The following PBX1 variants were observed in gnomAD, a reference collection of about 807,000 sequenced individuals.
PBX1 encodes the protein PBX homeobox 1, also known as pre-B-cell leukemia transcription factor 1.
A neutral mutation model predicts 53.4 loss-of-function variants in PBX1; 6 were observed. The ratio of observed to expected loss-of-function variants is 0.11; its 90% CI spans 0.06 to 0.22. PBX1 has a LOEUF of 0.22. Among genes scored for constraint, PBX1 ranks in the 10% least tolerant of loss-of-function variants. The pLI is 1.00. For synonymous variants in PBX1, 204 were observed against 212.3 expected (o/e 0.96, Z 0.34); for missense variants, 251 against 551.4 (o/e 0.46, Z 5.46).
intron 2 of PBX1, among the ~76,000 whole-genome samples, chr1:164,886,041 A>G (rs1315645057): frequency 2.0e-5 from 3 of 151,482 alleles, no homozygotes; most frequent in Non-Finnish European, 4.4e-5. Context: ...TTTCTTGCAT[A>G]AATGAATTTT....
intron 2 of PBX1, among the ~76,000 whole-genome samples, chr1:164,600,287 T>C (rs1656073033): frequency 6.9e-6 from 1 of 144,630 alleles, no homozygotes; most frequent in South Asian, 2.3e-4. Flanking sequence ...AGTCTTACTC[T>C]GTCGCCCAGG....
chr1:164,746,257 C>A (rs923098359), intron 2 of PBX1, among the ~76,000 whole-genome samples: 5 of 152,160 alleles, frequency 3.3e-5, no homozygotes, highest in African/African-American at 1.2e-4. Flanking sequence ...ACCTCACTCG[C>A]AAGTCTCAGT....
chr1:164,732,402 A>G (rs975804884), intron 2 of PBX1, among the ~76,000 whole-genome samples: 10 of 152,090 alleles, frequency 6.6e-5, no homozygotes, highest in African/African-American at 2.4e-4. Context: ...GAAATTAGTG[A>G]CTGTAGGACT....
At chr1:164,655,411 C>A (rs1660107451) in intron 2 of PBX1, among the ~76,000 whole-genome samples, 1 of 152,158 alleles carries the variant, frequency 6.6e-6, no homozygotes, top group Non-Finnish European at 1.5e-5. Flanking sequence ...CTGTGCCCGG[C>A]CTCTGAAGTC....
chr1:164,697,439 C>T (rs1662859700), intron 2 of PBX1, among the ~76,000 whole-genome samples: 1 of 152,164 alleles, frequency 6.6e-6, no homozygotes, highest in African/African-American at 2.4e-5. Context: ...TTAATTAGCC[C>T]TTTTCTATTC....
In PBX1 at chr1:164,667,412, A is replaced by G. The variant is rs76013592; in HGVS notation, c.265+104101A>G. Among the ~76,000 whole-genome samples the G allele has an allele frequency of 3.9e-3, 578 of 147,464 alleles. 2 individuals carry two copies. The highest frequency in any genetic ancestry group is 0.012 in the African/African-American group (483 of 40,320). On this transcript the variant is annotated intron_variant, in intron 2 of 8. Transcript: ENST00000420696. The stretch of plus-strand genomic sequence containing the variant: ...GTATTTTATATAACATATGTATAAT[A>G]TGTGTGTGTGTGTGTGTGTGTATAT...
chr1:164,752,210 G>A (rs943265731), intron 2 of PBX1, among the ~76,000 whole-genome samples: 374 of 95,688 alleles, frequency 3.9e-3, no homozygotes, highest in Middle Eastern at 0.037. Flanking sequence ...AAGGTTTTGT[G>A]TGTGTGTGTG....
intron 8 of PBX1, among the ~76,000 whole-genome samples, chr1:164,846,081 G>C (rs575351487): frequency 3.9e-5 from 6 of 151,968 alleles, no homozygotes; most frequent in African/African-American, 1.2e-4. Flanking sequence ...TGAGCATCTA[G>C]TATAGAACCT....
intron 2 of PBX1, among the ~76,000 whole-genome samples, chr1:164,630,014 T>C (rs559950932): frequency 1.4e-4 from 21 of 152,322 alleles, no homozygotes; most frequent in Non-Finnish European, 2.8e-4. Context: ...AGAAATGCTA[T>C]CAATAAAAGC....
At chr1:164,625,806 AT>A in intron 2 of PBX1, 4 of 341,836 alleles carry the variant, frequency 1.2e-5, no homozygotes, top group Non-Finnish European at 1.7e-5. Flanking sequence ...CCCTGATGGG[AT>A]TTAAAAAAAA....
At chr1:164,770,991 A>ACATAGGAGGC (rs1667338747) in intron 2 of PBX1, 1 of 151,958 alleles carries the variant, frequency 6.6e-6, no homozygotes. Context: ...GGATGGGTAC[A>ACATAGGAGGC]CTTCACTCCC....
intron 2 of PBX1, among the ~76,000 whole-genome samples, chr1:164,868,485 A>G (rs1433086191): frequency 6.6e-6 from 1 of 152,206 alleles, no homozygotes; most frequent in African/African-American, 2.4e-5. Flanking sequence ...GTAGAGAGAG[A>G]AAGGCCTCCC....
intron 2 of PBX1, among the ~76,000 whole-genome samples, chr1:164,663,200 GCCTTCCTT>G (rs1480698869): frequency 6.9e-6 from 1 of 145,766 alleles, no homozygotes; most frequent in Admixed American, 6.8e-5. Context: ...CTTCCTTCCT[GCCTTCCTT>G]CCTGCCTTCC....
chr1:164,563,386 TATTTAA>T (rs1653201342), intron 2 of PBX1, 75 bp downstream of exon 2: 7 of 917,170 alleles, frequency 7.6e-6, no homozygotes, highest in Non-Finnish European at 1.2e-5. Flanking sequence ...ACAAATCTAT[TATTTAA>T]ATATTAAAAT....
chr1:164,877,270 C>A (rs1353153776), intron 2 of PBX1, among the ~76,000 whole-genome samples: 6 of 151,728 alleles, frequency 4.0e-5, no homozygotes, highest in African/African-American at 1.4e-4. Flanking sequence ...AAAAAAAACC[C>A]AAACCAAACA....
At chr1:164,701,753 T>A (rs886577646) in intron 2 of PBX1, among the ~76,000 whole-genome samples, 70 of 152,210 alleles carry the variant, frequency 4.6e-4, no homozygotes, top group African/African-American at 1.5e-3. Flanking sequence ...ATTGTGCACA[T>A]TTTTAAAGCA....
intron 2 of PBX1, among the ~76,000 whole-genome samples, chr1:164,774,924 C>T (rs965216561): frequency 2.0e-5 from 3 of 152,186 alleles, no homozygotes; most frequent in African/African-American, 7.2e-5. Context: ...GTAATTCAAG[C>T]CTGCTAATCC....
chr1:164,825,908 A>G (rs1670435952), intron 8 of PBX1, among the ~76,000 whole-genome samples: 1 of 143,700 alleles, frequency 7.0e-6, no homozygotes, highest in Non-Finnish European at 1.5e-5. Context: ...TGCATGTAGC[A>G]ACATAACATT....
intron 2 of PBX1, among the ~76,000 whole-genome samples, chr1:164,751,581 C>CCTT (rs1491430582): frequency 1.4e-5 from 2 of 138,012 alleles, no homozygotes; most frequent in African/African-American, 5.4e-5. Flanking sequence ...TATTGCCCCC[C>CCTT]TTTTTTTTTT....
Sources: gnomAD v4.1 joint callset for allele counts (sites outside exome capture counted in the v4.1 genomes callset) on GRCh38, gnomAD v4.1.1 for gene constraint, MANE v1.5 for transcripts, NCBI Gene and HGNC (gene_info 2026-07-23, HGNC 2026-07-21) for gene names.